The following CDH4 variants were observed in gnomAD, a reference collection of about 807,000 sequenced individuals.
CDH4 encodes the protein cadherin-4.
CDH4 carries 33 observed loss-of-function variants against 86.0 expected under a neutral mutation model. That is an observed-to-expected ratio of 0.38 (90% CI 0.29 to 0.51). CDH4 has a LOEUF of 0.51. CDH4 is among the 20% of genes least tolerant of loss of function. The pLI is 0.86. For missense variants in CDH4, 1,114 were observed against 1,307.4 expected, an observed-to-expected ratio of 0.85 and a Z score of 2.28; for synonymous variants, 555 against 549.4, an observed-to-expected ratio of 1.01 and a Z score of -0.14.
intron 2 of CDH4, among the ~76,000 whole-genome samples, chr20:61,612,666 A>G (rs1428802384): frequency 6.6e-6 from 1 of 152,108 alleles, no homozygotes; most frequent in Non-Finnish European, 1.5e-5. Flanking sequence ...TTCCCGAATG[A>G]AAAGCCCTTC....
intron 4 of CDH4, among the ~76,000 whole-genome samples, chr20:61,778,009 A>G (rs1418121826): frequency 6.6e-6 from 1 of 152,248 alleles, no homozygotes; most frequent in Admixed American, 6.5e-5. Flanking sequence ...CACTATACAC[A>G]CATGCACACA....
intron 4 of CDH4, among the ~76,000 whole-genome samples, chr20:61,805,296 G>A (rs918704783): frequency 2.6e-5 from 4 of 152,216 alleles, no homozygotes; most frequent in Admixed American, 1.3e-4. Context: ...CCAGAAGAGG[G>A]GAGAGTGGAC....
intron 7 of CDH4, among the ~76,000 whole-genome samples, chr20:61,886,982 G>GC (rs1340788584): frequency 2.0e-5 from 3 of 152,172 alleles, no homozygotes; most frequent in Admixed American, 2.0e-4. Flanking sequence ...TTAGATAAAT[G>GC]TGTCGAAACC....
intron 9 of CDH4, among the ~76,000 whole-genome samples, chr20:61,921,328 G>A (rs546951215): frequency 5.2e-5 from 8 of 152,420 alleles, no homozygotes. Context: ...GAAGCATGGT[G>A]TTGTGTAAAT....
chr20:61,701,387 G>A (rs545203119), intron 2 of CDH4, among the ~76,000 whole-genome samples: 81 of 152,376 alleles, frequency 5.3e-4, no homozygotes, highest in African/African-American at 1.6e-3. Flanking sequence ...TGTCAGGGTC[G>A]TGGCTGTGAG....
chr20:61,770,891 A>AAC (rs990664661), intron 3 of CDH4, among the ~76,000 whole-genome samples: 1 of 151,994 alleles, frequency 6.6e-6, no homozygotes, highest in African/African-American at 2.4e-5. Context: ...TCAAAAAAAA[A>AAC]AAAAACACAG....
chr20:61,379,238 A>T (rs2084887433), intron 2 of CDH4, among the ~76,000 whole-genome samples: 1 of 152,072 alleles, frequency 6.6e-6, no homozygotes, highest in Non-Finnish European at 1.5e-5. Flanking sequence ...TGAGGATGAG[A>T]TACAGAGGAT....
chr20:61,897,124 G>T (rs1294062087), intron 8 of CDH4, among the ~76,000 whole-genome samples: 2 of 152,220 alleles, frequency 1.3e-5, no homozygotes, highest in Non-Finnish European at 1.5e-5. Context: ...ACATTGCAGG[G>T]GAGAATTCCT....
chr20:61,531,061 G>A (rs1272170683), intron 2 of CDH4, among the ~76,000 whole-genome samples: 2 of 152,108 alleles, frequency 1.3e-5, no homozygotes, highest in African/African-American at 4.8e-5. Flanking sequence ...GAGCTGCTGA[G>A]GGCTGCTGAG....
chr20:61,711,213 C>G (rs567297723), intron 2 of CDH4, among the ~76,000 whole-genome samples: 1 of 152,204 alleles, frequency 6.6e-6, no homozygotes, highest in African/African-American at 2.4e-5. Context: ...CAGCACTTCT[C>G]CTTCCTGCCT....
intron 3 of CDH4, among the ~76,000 whole-genome samples, chr20:61,752,082 A>G (rs1468468431): frequency 6.6e-6 from 1 of 152,230 alleles, no homozygotes; most frequent in African/African-American, 2.4e-5. Context: ...CTGTAATCCC[A>G]GCACTTTGGG....
intron 2 of CDH4, among the ~76,000 whole-genome samples, chr20:61,652,061 G>A (rs1262554427): frequency 3.9e-5 from 6 of 152,230 alleles, no homozygotes; most frequent in South Asian, 2.1e-4. Flanking sequence ...CGGCCAGGAC[G>A]GCAGCCTGTG....
chr20:61,424,155 CAT>C (rs781702055), intron 2 of CDH4, among the ~76,000 whole-genome samples: 8 of 151,082 alleles, frequency 5.3e-5, no homozygotes, highest in Non-Finnish European at 1.0e-4. Context: ...TGTATACACA[CAT>C]ATCCACACAT....
At chr20:61,433,752 G>T (rs1164318334) in intron 2 of CDH4, among the ~76,000 whole-genome samples, 3 of 152,114 alleles carry the variant, frequency 2.0e-5, no homozygotes, top group African/African-American at 7.2e-5. Flanking sequence ...GTGACCACAG[G>T]GTGGGTAGGA....
chr20:61,289,159 C>T (rs1360738759), intron 2 of CDH4, among the ~76,000 whole-genome samples: 1 of 152,214 alleles, frequency 6.6e-6, no homozygotes, highest in African/African-American at 2.4e-5. Context: ...GAACGGGGTG[C>T]CCCACTGCAC....
intron 2 of CDH4, among the ~76,000 whole-genome samples, chr20:61,553,646 G>C (rs1007659656): frequency 1.3e-5 from 2 of 152,226 alleles, no homozygotes; most frequent in Non-Finnish European, 2.9e-5. Context: ...TGGCAGCACA[G>C]ATATCATCCC....
At chr20:61,348,181 A>T (rs1399706420) in intron 2 of CDH4, among the ~76,000 whole-genome samples, 1 of 152,184 alleles carries the variant, frequency 6.6e-6, no homozygotes, top group Admixed American at 6.5e-5. Flanking sequence ...ATGGACTCGC[A>T]GTTCCACATG....
chr20:61,706,594 C>T (rs1297880501), intron 2 of CDH4, among the ~76,000 whole-genome samples: 1 of 152,174 alleles, frequency 6.6e-6, no homozygotes, highest in Non-Finnish European at 1.5e-5. Context: ...GAGCTGAGGA[C>T]AGGGCCTGTG....
chr20:61,566,189 C>A (rs1419120454), intron 2 of CDH4, among the ~76,000 whole-genome samples: 1 of 152,212 alleles, frequency 6.6e-6, no homozygotes, highest in Non-Finnish European at 1.5e-5. Context: ...CCTGCCCTTG[C>A]CGGGCCCATG....
Sources: allele counts gnomAD v4.1 joint callset (sites outside exome capture counted in the v4.1 genomes callset), GRCh38; gene constraint gnomAD v4.1.1; transcripts MANE v1.5; gene names NCBI Gene and HGNC (gene_info 2026-07-23, HGNC 2026-07-21).